Variants in NLRP1 observed in about 807,000 individuals in gnomAD.
NLRP1 encodes the protein NACHT, LRR and PYD domains-containing protein 1.
A neutral mutation model predicts 136.7 loss-of-function variants in NLRP1; 94 were observed. That is an observed-to-expected ratio of 0.69 (90% CI 0.58 to 0.82). The LOEUF is 0.82. NLRP1 is among the 40% of genes least tolerant of loss of function. NLRP1 has a pLI of 0.00. For missense variants in NLRP1, 1,575 were observed against 1,802.7 expected (o/e 0.87, Z 2.29); for synonymous variants, 690 against 725.1 (o/e 0.95, Z 0.78).
chr17:5,568,701 G>C (rs1915575183), intron 3 of NLRP1, among the ~76,000 whole-genome samples: 1 of 152,122 alleles, frequency 6.6e-6, no homozygotes, highest in Non-Finnish European at 1.5e-5. Context: ...TTTTGGAAAG[G>C]CTTTCCAGAT....
chr17:5,581,904 C>A lies in NLRP1; in HGVS notation c.607G>T (p.Gly203Trp). 6.2e-7 allele frequency: 1 copy of A among 1,613,566 alleles called. No homozygotes were observed. The highest frequency in any genetic ancestry group is 8.5e-7 in the Non-Finnish European group (1 of 1,180,004). Reference protein sequence around the residue: ...SLAPREQEAPGTQWPLDETSG... With the variant: ...SLAPREQEAPWTQWPLDETSG... ...GTTTCATCCAGAGGCCATTGGGTCCCAGGAGCCTCCTGCTCTCTGGGTGCT... is the reference window on the plus strand; with the variant it reads ...GTTTCATCCAGAGGCCATTGGGTCCAAGGAGCCTCCTGCTCTCTGGGTGCT... The change falls in exon 3 of 17, where the codon GGG becomes TGG. Residue 203 changes from glycine to tryptophan, a missense_variant. Physicochemically the swap from Gly to Trp is radical, Grantham distance 184. Transcript: ENST00000572272.
chr17:5,521,167 G>A (rs987116779), intron 13 of NLRP1, among the ~76,000 whole-genome samples, 155 bp from the exon 14 acceptor site: 10 of 152,158 alleles, frequency 6.6e-5, no homozygotes, highest in East Asian at 1.9e-4. Context: ...GAGACAGCCC[G>A]CACTTGGTCT....
intron 3 of NLRP1, among the ~76,000 whole-genome samples, chr17:5,574,009 G>A (rs1252092347): frequency 6.6e-6 from 1 of 152,162 alleles, no homozygotes; most frequent in Admixed American, 6.5e-5. Flanking sequence ...AAACTTCTCC[G>A]AGCTAAAGGA....
chr17:5,507,131 T>C (rs1907384372), intron 15 of NLRP1, among the ~76,000 whole-genome samples: 2 of 152,116 alleles, frequency 1.3e-5, no homozygotes, highest in South Asian at 4.1e-4. Flanking sequence ...GGGTACATAA[T>C]TTCAATTAAG....
chr17:5,523,045 G>A (rs940157135), intron 12 of NLRP1, among the ~76,000 whole-genome samples: 1 of 152,160 alleles, frequency 6.6e-6, no homozygotes, highest in African/African-American at 2.4e-5. Context: ...TGACTAAGTG[G>A]TTGTCTCTAA....
rs370308444 is a variant in NLRP1 at position 5,522,184 on chromosome 17, A to T, written c.3521-398T>A. ...GGATTTGCTGGCACTGTAGGATCCC[A>T]GGGCTTAGGCTCAGGTACCCTCTTG... On this transcript the variant is annotated intron_variant, in intron 12 of 16. Coordinates refer to ENST00000572272, the MANE Select transcript of NLRP1 (RefSeq NM_033004.4). Among the ~76,000 whole-genome samples, 17 of 152,380 alleles carry T rather than the reference A, an allele frequency of 1.1e-4. No individual in the cohort carries two copies. The South Asian group carries it at 3.5e-3, about 32-fold the overall frequency.
downstream of NLRP1, chr17:5,512,019 TA>T: frequency 1.7e-6 from 1 of 589,722 alleles, no homozygotes. Flanking sequence ...AGGTGGTAAC[TA>T]ATGACAGTAC....
At chr17:5,569,618 A>G (rs945481438) in intron 3 of NLRP1, among the ~76,000 whole-genome samples, 2 of 152,220 alleles carry the variant, frequency 1.3e-5, no homozygotes, top group Non-Finnish European at 2.9e-5. Flanking sequence ...ACCCAGATTC[A>G]TAAGACGAGT....
rs1914373628 is a variant in NLRP1, at chr17:5,558,558, GGCT to G, written c.2135_2137del (p.Gln712del). On this transcript the variant is annotated inframe_deletion, in exon 4 of 17. Transcript: ENST00000572272. ...GCAGTGGAGGGACTCCAGAGAGTGT[GGCT>G]GCAGCAGCAGCTGCAGGGACGGGAC... 2 of 1,614,070 alleles carry G rather than the reference GGCT, an allele frequency of 1.2e-6. No homozygotes were observed. Among genetic ancestry groups the G allele is most frequent in the Non-Finnish European group, 1.7e-6 (2 of 1,179,974 alleles).
At chr17:5,556,709 G>T (rs1193493684) in intron 4 of NLRP1, among the ~76,000 whole-genome samples, 1 of 150,640 alleles carries the variant, frequency 6.6e-6, no homozygotes. Flanking sequence ...TGCAACCTCT[G>T]CCCCTGACCT....
chr17:5,552,847 C>T (rs1334447259), intron 5 of NLRP1, among the ~76,000 whole-genome samples: 1 of 152,210 alleles, frequency 6.6e-6, no homozygotes, highest in East Asian at 1.9e-4. Context: ...CCAGCCTCTA[C>T]TTTTGCACTC....
intron 14 of NLRP1, 97 bp downstream of exon 14, chr17:5,520,784 T>C: frequency 8.7e-7 from 1 of 1,149,966 alleles, no homozygotes; most frequent in Non-Finnish European, 1.2e-6. Flanking sequence ...CCTCGATTTA[T>C]CCTGTCCCTG....
intron 14 of NLRP1, 84 bp downstream of exon 14, chr17:5,520,797 A>T: frequency 7.9e-7 from 1 of 1,263,664 alleles, no homozygotes; most frequent in East Asian, 2.6e-5. Context: ...TGTCCCTGAG[A>T]AAGCCCTGAG....
Position 5,583,083 on chromosome 17 carries a change from C to T in NLRP1, c.272-237G>A, listed in dbSNP as rs966686996. Among the ~76,000 whole-genome samples, 1 of 147,548 alleles carries T rather than the reference C, an allele frequency of 6.8e-6. No homozygotes were observed. Among genetic ancestry groups the T allele is most frequent in the Non-Finnish European group, 1.5e-5 (1 of 68,012 alleles). The stretch of plus-strand genomic sequence containing the variant: ...ATTTGCATATCTGTCTTGGTCCTGA[C>T]TATCTCCCTGTGTAAATCACTACTC... On this transcript the variant is annotated intron_variant, in intron 1 of 16. Transcript: ENST00000572272. The surrounding 1 kb of genome is among the most constrained non-coding windows in gnomAD (Gnocchi z 4.5).
intron 5 of NLRP1, among the ~76,000 whole-genome samples, chr17:5,548,253 T>G (rs1026530486): frequency 6.6e-6 from 1 of 152,200 alleles, no homozygotes; most frequent in South Asian, 2.1e-4. Context: ...CAGAGAAAAA[T>G]GAAGCCATCA....
At chr17:5,502,966 C>T (rs28609418) in intron 15 of NLRP1, 42,645 of 150,650 alleles carry the variant, frequency 0.28, 6,428 homozygotes, top group African/African-American at 0.4. Context: ...AATGGAATGG[C>T]GTGAAGAATG....
chr17:5,525,063 G>A (rs1288908934), intron 12 of NLRP1, among the ~76,000 whole-genome samples: 2 of 152,196 alleles, frequency 1.3e-5, no homozygotes, highest in Non-Finnish European at 2.9e-5. Context: ...GGAGAAGAAG[G>A]TTGAGTGTTG....
chr17:5,519,226 T>A (rs1338595215), intron 14 of NLRP1, among the ~76,000 whole-genome samples: 1 of 151,838 alleles, frequency 6.6e-6, no homozygotes, highest in Non-Finnish European at 1.5e-5. Flanking sequence ...ATGGTCTCGA[T>A]CTCCTGACCT....
chr17:5,559,849 G>A lies in NLRP1; in HGVS notation c.847C>T (p.Leu283Phe), dbSNP rs112113585. ...DFNQKFTQLL[L>F]LQRPHPRSQD... ...CTTCTGGGGTGAGGTCTTTGTAGAA[G>A]TAGCAGCTGTGTGAATTTTTGGTTA... The change falls in exon 4 of 17, where the codon CTT becomes TTT. Residue 283 changes from leucine (L) to phenylalanine (F), a missense_variant. Coordinates refer to ENST00000572272, the MANE Select transcript of NLRP1 (RefSeq NM_033004.4). 1.1e-3 allele frequency: 1,801 copies of A among 1,614,242 alleles called. 22 individuals are homozygous for A. The African/African-American group carries it at 0.022, about 19-fold the overall frequency.
Sources: allele counts gnomAD v4.1 joint callset (sites outside exome capture counted in the v4.1 genomes callset), GRCh38; gene constraint gnomAD v4.1.1; non-coding constraint Gnocchi (gnomAD v3.1); transcripts MANE v1.5; gene names NCBI Gene and HGNC (gene_info 2026-07-23, HGNC 2026-07-21).